The following WDR49 variants were observed in gnomAD, a reference collection of about 807,000 sequenced individuals.
WDR49 encodes the protein cilia- and flagella-associated protein 337.
Under a neutral mutation model 119.5 loss-of-function variants are expected in WDR49, and 107 were observed. That is an observed-to-expected ratio of 0.90 (90% CI 0.77 to 1.05). The LOEUF is 1.05. Ranked by LOEUF, WDR49 falls within the 50% of genes least tolerant of loss-of-function variation. WDR49 has a pLI of 0.00. For missense variants in WDR49, 1,240 were observed against 1,220.5 expected (o/e 1.02, Z -0.24); for synonymous variants, 425 against 418.8 (o/e 1.01, Z -0.18).
rs775855956 is a variant in WDR49, at chr3:167,500,149, T to A, written c.3031+4A>T. Reference sequence around the variant, plus strand: ...ATAGAGGTGTATGATGGCTGAGAACTTACTTTTAAAAAGTGACGGGGCCTC... The same window carrying A: ...ATAGAGGTGTATGATGGCTGAGAACATACTTTTAAAAAGTGACGGGGCCTC... On this transcript the variant is annotated splice_donor_region_variant and intron_variant, in intron 18 of 18. Coordinates refer to ENST00000682715, the MANE Select transcript of WDR49 (RefSeq NM_001366157.1). 1 of 1,561,642 alleles carries A rather than the reference T, an allele frequency of 6.4e-7. No homozygotes were observed. The highest frequency in any genetic ancestry group is 1.2e-5 in the South Asian group (1 of 81,724).
intron 8 of WDR49, 144 bp downstream of exon 8, chr3:167,575,774 A>C: frequency 1.3e-6 from 1 of 793,390 alleles, no homozygotes; most frequent in Non-Finnish European, 2.0e-6. Context: ...ATTATTGCAG[A>C]AAAGCACATG....
At chr3:167,554,088 C>CA (rs1347809019) in intron 10 of WDR49, among the ~76,000 whole-genome samples, 1 of 151,902 alleles carries the variant, frequency 6.6e-6, no homozygotes, top group African/African-American at 2.4e-5. Flanking sequence ...ACTGCTTCTA[C>CA]AGTGCCACAG....
chr3:167,480,782 A>G (rs1750689258), intron 18 of WDR49, among the ~76,000 whole-genome samples: 1 of 152,212 alleles, frequency 6.6e-6, no homozygotes, highest in South Asian at 2.1e-4. Flanking sequence ...GCATCTTAGA[A>G]TGTGCTGGGA....
chr3:167,518,186 A>G lies in WDR49; in HGVS notation c.2774+4129T>C, dbSNP rs552670509. Among the ~76,000 whole-genome samples the G allele has an allele frequency of 9.2e-5, 14 of 151,974 alleles. 1 individual carries two copies. The South Asian group carries it at 2.7e-3, about 29-fold the overall frequency. ...CTTTGCTATTGTGAATAATGCCGCA[A>G]TAAACATACGTGTGCATGTGTCTTT... On this transcript the variant is annotated intron_variant, in intron 16 of 18. Coordinates refer to ENST00000682715, the MANE Select transcript of WDR49 (RefSeq NM_001366157.1).
At chr3:167,634,072 C>A (rs1379992096) in intron 2 of WDR49, among the ~76,000 whole-genome samples, 2 of 151,986 alleles carry the variant, frequency 1.3e-5, no homozygotes, top group East Asian at 1.9e-4. Context: ...TTTAATAAAA[C>A]CTTTATTATT....
intron 7 of WDR49, among the ~76,000 whole-genome samples, chr3:167,595,654 T>C (rs954912215): frequency 5.3e-5 from 8 of 152,052 alleles, no homozygotes; most frequent in Admixed American, 1.3e-4. Context: ...GCTGGGGAAA[T>C]TGGCTAGCCA....
rs111238429 is a variant in WDR49, at chr3:167,549,159, G to A, written c.1823+5491C>T. On this transcript the variant is annotated intron_variant, in intron 10 of 18. Coordinates refer to ENST00000682715, the MANE Select transcript of WDR49 (RefSeq NM_001366157.1). The stretch of plus-strand genomic sequence containing the variant: ...ATAGTGCCACAATAAACATACGTGC[G>A]CATGTGTCTTTATAGCAGCATGATT... Among the ~76,000 whole-genome samples, 54 of 152,274 alleles carry A rather than the reference G, an allele frequency of 3.5e-4. 1 individual carries two copies. The highest frequency in any genetic ancestry group is 9.6e-4 in the African/African-American group (40 of 41,532).
chr3:167,585,530 G>A (rs1170475086), intron 7 of WDR49, among the ~76,000 whole-genome samples: 1 of 151,388 alleles, frequency 6.6e-6, no homozygotes, highest in East Asian at 1.9e-4. Context: ...AAGAATTGCT[G>A]TATAGCCAAA....
At chr3:167,541,437 T>G (rs564183295) in intron 10 of WDR49, among the ~76,000 whole-genome samples, 1 of 152,298 alleles carries the variant, frequency 6.6e-6, no homozygotes, top group South Asian at 2.1e-4. Flanking sequence ...AAGAATTTTG[T>G]ATCCAGCAAA....
chr3:167,495,883 G>GAAAAAAA, intron 18 of WDR49, among the ~76,000 whole-genome samples: 4 of 71,226 alleles, frequency 5.6e-5, no homozygotes, highest in Non-Finnish European at 1.1e-4. Flanking sequence ...TTAAAAATTT[G>GAAAAAAA]AAAAAAAAAA....
At chr3:167,597,181 A>G (rs556148955) in intron 7 of WDR49, among the ~76,000 whole-genome samples, 11 of 152,300 alleles carry the variant, frequency 7.2e-5, no homozygotes, top group Admixed American at 7.2e-4. Context: ...AGGGAATGGT[A>G]CCCTGCATCC....
In WDR49 at chr3:167,489,800, A is replaced by G. The variant is rs185689021; in HGVS notation, c.3031+10353T>C. ...CTATGTAATGTACTATGCAATGACTACCTGTCTATGAGTGTACAGCATTCT... is the reference window on the plus strand; with the variant it reads ...CTATGTAATGTACTATGCAATGACTGCCTGTCTATGAGTGTACAGCATTCT... On this transcript the variant is annotated intron_variant, in intron 18 of 18. Coordinates refer to ENST00000682715, the MANE Select transcript of WDR49 (RefSeq NM_001366157.1). Among the ~76,000 whole-genome samples, 204 of 152,248 alleles carry G rather than the reference A, an allele frequency of 1.3e-3. 5 individuals are homozygous for G. In the East Asian group the frequency reaches 0.03, roughly 23 times the overall value.
intron 10 of WDR49, among the ~76,000 whole-genome samples, chr3:167,538,887 A>G (rs538276917): frequency 4.3e-4 from 65 of 152,332 alleles, no homozygotes; most frequent in Admixed American, 1.1e-3. Flanking sequence ...GCCCCATTAG[A>G]AAGCCTTTGC....
At chr3:167,560,784 T>TG (rs1467151528) in intron 8 of WDR49, among the ~76,000 whole-genome samples, 1 of 135,680 alleles carries the variant, frequency 7.4e-6, no homozygotes, top group Non-Finnish European at 1.6e-5. Context: ...GATAGATTAC[T>TG]AAAAAAAAAA....
intron 2 of WDR49, among the ~76,000 whole-genome samples, chr3:167,628,578 G>A (rs189322923): frequency 8.0e-4 from 122 of 152,130 alleles, no homozygotes; most frequent in Middle Eastern, 3.4e-3. Context: ...GGCAGAGAGA[G>A]GTAAGGAACT....
At chr3:167,654,797 G>T (rs924166194), upstream of WDR49, among the ~76,000 whole-genome samples, 3 of 152,030 alleles carry the variant, frequency 2.0e-5, no homozygotes, top group Non-Finnish European at 2.9e-5. Context: ...TACTCGGGAG[G>T]CTGAGTTAGA....
rs554443998 is a variant in WDR49, at chr3:167,566,876, C to T, written c.1510-6648G>A. The T allele has an allele frequency of 5.6e-5, 38 of 683,800 alleles. No homozygotes were observed. In the Middle Eastern group the frequency reaches 7.0e-4, roughly 13 times the overall value. The allele number at this position is 683,800 out of a possible 1,614,324, so 42.4% of individuals were successfully genotyped here. A position where few individuals can be genotyped will look rare whatever the true frequency, so the allele number is the denominator to read the frequency against. The stretch of plus-strand genomic sequence containing the variant: ...TTATCATAAGGGTCTTCATTCGTGT[C>T]GTCTTCACATTGAGAAGGCTGAGGA... On this transcript the variant is annotated intron_variant, in intron 8 of 18. Transcript: ENST00000682715.
intron 5 of WDR49, among the ~76,000 whole-genome samples, chr3:167,610,419 G>T (rs969532326): frequency 2.6e-5 from 4 of 152,146 alleles, no homozygotes; most frequent in Non-Finnish European, 5.9e-5. Context: ...TTTTTGGCCT[G>T]GGGTAGCAGT....
At chr3:167,616,099 C>A (rs920758321) in intron 5 of WDR49, among the ~76,000 whole-genome samples, 2 of 152,176 alleles carry the variant, frequency 1.3e-5, no homozygotes, top group African/African-American at 4.8e-5. Flanking sequence ...CCAGTGCTTA[C>A]TATGGTGCCT....
Sources: allele counts gnomAD v4.1 joint callset (sites outside exome capture counted in the v4.1 genomes callset), GRCh38; gene constraint gnomAD v4.1.1; transcripts MANE v1.5; gene names NCBI Gene and HGNC (gene_info 2026-07-23, HGNC 2026-07-21).